The following ADCY5 variants were observed in gnomAD, a reference collection of about 807,000 sequenced individuals.
ADCY5 encodes the protein adenylate cyclase 5, also known as adenylate cyclase type 5.
A neutral mutation model predicts 119.7 loss-of-function variants in ADCY5; 30 were observed. That is an observed-to-expected ratio of 0.25 (90% CI 0.19 to 0.34). The LOEUF is 0.34. Among genes scored for constraint, ADCY5 ranks in the 10% least tolerant of loss-of-function variants. The pLI, the probability that ADCY5 is intolerant of heterozygous loss-of-function variation, is 1.00. For missense variants in ADCY5, 1,324 were observed against 1,775.2 expected (o/e 0.75, Z 4.57); for synonymous variants, 753 against 762.2 (o/e 0.99, Z 0.20).
intron 1 of ADCY5, chr3:123,419,225 A>G: frequency 2.0e-6 from 2 of 985,444 alleles, no homozygotes; most frequent in South Asian, 9.4e-5. Flanking sequence ...GCACACAGTC[A>G]GGTGGCACTC....
intron 12 of ADCY5, among the ~76,000 whole-genome samples, chr3:123,308,325 CTG>C (rs1940325990): frequency 1.3e-5 from 2 of 151,854 alleles, no homozygotes; most frequent in Non-Finnish European, 2.9e-5. Flanking sequence ...GCGTGAGCCA[CTG>C]CACCCGGCCA....
chr3:123,363,037 G>A (rs1274062833), intron 1 of ADCY5, among the ~76,000 whole-genome samples: 1 of 151,634 alleles, frequency 6.6e-6, no homozygotes, highest in Non-Finnish European at 1.5e-5. Flanking sequence ...CAGCTACTCG[G>A]GAGGCTGAGG....
chr3:123,424,522 T>C (rs1434506858), intron 1 of ADCY5, among the ~76,000 whole-genome samples: 1 of 152,168 alleles, frequency 6.6e-6, no homozygotes, highest in Non-Finnish European at 1.5e-5. Context: ...CACAGTCCTC[T>C]CACACATGAG....
In ADCY5 at chr3:123,375,229, G is replaced by C. The variant is rs535172384; in HGVS notation, c.1135-22648C>G. On this transcript the variant is annotated intron_variant, in intron 1 of 20. Coordinates refer to ENST00000462833, the MANE Select transcript of ADCY5 (RefSeq NM_183357.3). ...ACGTGGAGGACTCATTTATCTTCCA[G>C]TCTGTGTGTGTGAAAGTATGCATGA... 3.3e-5 allele frequency among the ~76,000 whole-genome samples: 5 copies of C among 152,322 alleles called. No homozygotes were observed. The East Asian group carries it at 9.6e-4, about 29-fold the overall frequency.
intron 1 of ADCY5, among the ~76,000 whole-genome samples, chr3:123,361,176 T>A (rs1361554451): frequency 6.6e-6 from 1 of 152,116 alleles, no homozygotes; most frequent in East Asian, 1.9e-4. Context: ...TACTGCTGAT[T>A]AGGGACCTAC....
intron 14 of ADCY5, among the ~76,000 whole-genome samples, chr3:123,302,009 C>A (rs1939881196): frequency 6.6e-6 from 1 of 152,240 alleles, no homozygotes; most frequent in African/African-American, 2.4e-5. Flanking sequence ...GTCTGTACAT[C>A]TGAGAGCCAG....
intron 12 of ADCY5, among the ~76,000 whole-genome samples, chr3:123,313,496 CG>C (rs1940705328): frequency 6.6e-6 from 1 of 152,108 alleles, no homozygotes; most frequent in South Asian, 2.1e-4. Context: ...GAGTGCTTCC[CG>C]GAGGCCAGGC....
In ADCY5 at chr3:123,330,969, G is replaced by A. The variant is rs148753023; in HGVS notation, c.1566C>T (p.Cys522=). ...RIKILGDCYY[C]VSGLPEARAD... ...CCCTTGCTTCAGGCAGCCCCGAGACGCAGTAATAACAATCCCCAAGGATCT... is the reference window on the plus strand; with the variant it reads ...CCCTTGCTTCAGGCAGCCCCGAGACACAGTAATAACAATCCCCAAGGATCT... Residue 522 remains cysteine, a synonymous_variant, in exon 5 of 21, where the codon TGC becomes TGT. Coordinates refer to ENST00000462833, the MANE Select transcript of ADCY5 (RefSeq NM_183357.3). 1.2e-4 allele frequency: 200 copies of A among 1,613,968 alleles called. 1 individual carries two copies. Among genetic ancestry groups the A allele is most frequent in the Middle Eastern group, 6.6e-4 (4 of 6,062 alleles).
chr3:123,414,690 G>T (rs1945144275), intron 1 of ADCY5, among the ~76,000 whole-genome samples: 1 of 152,198 alleles, frequency 6.6e-6, no homozygotes, highest in African/African-American at 2.4e-5. Flanking sequence ...CCAAGTAGCT[G>T]GGATTACAGG....
chr3:123,335,681 C>T (rs549878991), intron 3 of ADCY5, among the ~76,000 whole-genome samples: 1 of 152,276 alleles, frequency 6.6e-6, no homozygotes, highest in Admixed American at 6.5e-5. Flanking sequence ...AGGGGTCACT[C>T]TCAGCAGCTT....
intron 1 of ADCY5, among the ~76,000 whole-genome samples, chr3:123,402,719 G>C (rs186886450): frequency 6.6e-6 from 1 of 152,188 alleles, no homozygotes; most frequent in Admixed American, 6.5e-5. Context: ...CAGGCGTGGT[G>C]GTGGGTGCCT....
intron 3 of ADCY5, among the ~76,000 whole-genome samples, chr3:123,345,761 G>T (rs55739453): frequency 2.8e-5 from 1 of 35,988 alleles, no homozygotes; most frequent in Non-Finnish European, 7.4e-5. Context: ...CAGACAGACA[G>T]ACAGACAGAC....
At chr3:123,308,305 G>A (rs1164543758) in intron 12 of ADCY5, among the ~76,000 whole-genome samples, 6 of 151,744 alleles carry the variant, frequency 4.0e-5, no homozygotes, top group Non-Finnish European at 5.9e-5. Context: ...CCAAAGTGCT[G>A]GGATTACAGG....
chr3:123,437,139 T>G (rs1267090150), intron 1 of ADCY5, among the ~76,000 whole-genome samples: 1 of 152,134 alleles, frequency 6.6e-6, no homozygotes, highest in Non-Finnish European at 1.5e-5. Flanking sequence ...GTAACCACTG[T>G]GAGCCATTAG....
At chr3:123,422,636 T>C (rs1945323749) in intron 1 of ADCY5, among the ~76,000 whole-genome samples, 1 of 152,208 alleles carries the variant, frequency 6.6e-6, no homozygotes, top group South Asian at 2.1e-4. Flanking sequence ...AGCTCATGTC[T>C]GGTGGCAGGG....
At chr3:123,398,164 G>C (rs1944656482) in intron 1 of ADCY5, among the ~76,000 whole-genome samples, 1 of 152,146 alleles carries the variant, frequency 6.6e-6, no homozygotes, top group African/African-American at 2.4e-5. Flanking sequence ...ATGGCAACCA[G>C]CTCTCCCAGT....
At chr3:123,390,962 A>T (rs964814126) in intron 1 of ADCY5, among the ~76,000 whole-genome samples, 1 of 122,480 alleles carries the variant, frequency 8.2e-6, no homozygotes, top group African/African-American at 3.4e-5. Flanking sequence ...TAAGGTGCCT[A>T]AAGCTGACTT....
At chr3:123,420,624 C>G (rs1945285655) in intron 1 of ADCY5, among the ~76,000 whole-genome samples, 1 of 152,154 alleles carries the variant, frequency 6.6e-6, no homozygotes, top group African/African-American at 2.4e-5. Context: ...GCCTCGCCAC[C>G]CCGGTCTGCT....
rs981549535 is a variant in ADCY5, at chr3:123,448,645, G to T, written c.-100C>A. The stretch of plus-strand genomic sequence containing the variant: ...GGCCGAGCAGGGGGACCAGGCTAGG[G>T]TCACACGTCGGGGGCGGCCCGGGGC... On this transcript the variant is annotated 5_prime_UTR_variant, in exon 1 of 21. Coordinates refer to ENST00000462833, the MANE Select transcript of ADCY5 (RefSeq NM_183357.3). 8.8e-7 allele frequency: 1 copy of T among 1,139,550 alleles called. No homozygotes were observed. The highest frequency in any genetic ancestry group is 1.1e-6 in the Non-Finnish European group (1 of 899,706). The allele number at this position is 1,139,550 out of a possible 1,614,324, so 70.6% of individuals were successfully genotyped here. A position where few individuals can be genotyped will look rare whatever the true frequency, so the allele number is the denominator to read the frequency against.
Sources: gnomAD v4.1 joint callset for allele counts (sites outside exome capture counted in the v4.1 genomes callset) on GRCh38, gnomAD v4.1.1 for gene constraint, MANE v1.5 for transcripts, NCBI Gene and HGNC (gene_info 2026-07-23, HGNC 2026-07-21) for gene names.